BCAS1: variants seen among roughly 807,000 people sequenced by gnomAD.
BCAS1 encodes the protein breast carcinoma-amplified sequence 1.
In BCAS1, 46 loss-of-function variants were observed where a neutral mutation model predicts 65.4. The ratio of observed to expected loss-of-function variants is 0.70; its 90% confidence interval spans 0.55 to 0.90. The LOEUF is 0.90. Among genes scored for constraint, BCAS1 ranks in the 40% least tolerant of loss-of-function variants. BCAS1 has a pLI of 0.00. For synonymous variants in BCAS1, 298 were observed against 293.5 expected, an observed-to-expected ratio of 1.02 and a Z score of -0.16; for missense variants, 793 against 771.2, an observed-to-expected ratio of 1.03 and a Z score of -0.33.
At chr20:54,044,453 T>C (rs1158756683) in intron 3 of BCAS1, among the ~76,000 whole-genome samples, 2 of 152,246 alleles carry the variant, frequency 1.3e-5, no homozygotes, top group Admixed American at 1.3e-4. Flanking sequence ...AACAGTAAGT[T>C]GTGTCCAGAG....
intron 3 of BCAS1, among the ~76,000 whole-genome samples, chr20:54,036,222 GAACTTAA>G (rs1231393108): frequency 6.6e-6 from 1 of 150,804 alleles, no homozygotes; most frequent in African/African-American, 2.4e-5. Flanking sequence ...GTGTACCCCT[GAACTTAA>G]AATAAAAGTT....
At chr20:54,031,274 T>G (rs1393452094) in intron 3 of BCAS1, among the ~76,000 whole-genome samples, 1 of 151,498 alleles carries the variant, frequency 6.6e-6, no homozygotes. Context: ...AATAAATTCC[T>G]TACATCCAGG....
chr20:53,969,104 G>T (rs1422699009), intron 9 of BCAS1, among the ~76,000 whole-genome samples: 1 of 152,098 alleles, frequency 6.6e-6, no homozygotes, highest in Non-Finnish European at 1.5e-5. Flanking sequence ...AGAACAACTT[G>T]CTGGGCTCTA....
At chr20:53,953,321 C>G in intron 12 of BCAS1, 111 bp downstream of exon 12, 1 of 1,350,902 alleles carries the variant, frequency 7.4e-7, no homozygotes, top group Non-Finnish European at 1.0e-6. Flanking sequence ...GAGTGATAGA[C>G]CCGGGATCCC....
chr20:54,009,213 A>G (rs1007437442), intron 4 of BCAS1, among the ~76,000 whole-genome samples: 1 of 152,232 alleles, frequency 6.6e-6, no homozygotes, highest in Non-Finnish European at 1.5e-5. Flanking sequence ...GCAAAGAAAT[A>G]GAAGATATAA....
chr20:54,021,233 A>T (rs1744968785), intron 4 of BCAS1, among the ~76,000 whole-genome samples: 1 of 151,996 alleles, frequency 6.6e-6, no homozygotes, highest in African/African-American at 2.4e-5. Flanking sequence ...TTTCTTATTT[A>T]TAGGACATTA....
At position 54,028,376 on chromosome 20, in the gene BCAS1, A is replaced by C. The variant is rs1568894258; in HGVS notation, c.723+16T>G. The C allele has an allele frequency of 2.5e-6, 4 of 1,613,362 alleles. No individual in the cohort carries two copies. The Admixed American group carries it at 6.7e-5, about 27-fold the overall frequency. On this transcript the variant is annotated intron_variant, in intron 4 of 12. Coordinates refer to ENST00000688948, the MANE Select transcript of BCAS1 (RefSeq NM_001366298.2). ...CATGCATTCAGAACCAAGTGGATACACCTTGGCACACTTACCTTCCCTGCA... is the reference window on the plus strand; with the variant it reads ...CATGCATTCAGAACCAAGTGGATACCCCTTGGCACACTTACCTTCCCTGCA...
intron 7 of BCAS1, among the ~76,000 whole-genome samples, chr20:53,989,138 G>A (rs569720648): frequency 1.6e-4 from 25 of 152,242 alleles, no homozygotes; most frequent in South Asian, 1.2e-3. Context: ...TTAAAATTTC[G>A]TGGAGGGAAG....
At chr20:53,993,466 C>T (rs2299724) in intron 6 of BCAS1, among the ~76,000 whole-genome samples, 6,840 of 152,232 alleles carry the variant, frequency 0.045, 550 homozygotes, top group East Asian at 0.36. Context: ...TCACAAAACC[C>T]GCTTTTGAGA....
intron 3 of BCAS1, among the ~76,000 whole-genome samples, chr20:54,029,933 A>G (rs2091763954): frequency 6.6e-6 from 1 of 152,226 alleles, no homozygotes; most frequent in Admixed American, 6.5e-5. Context: ...TTTAAAATAC[A>G]GTACTCAGAA....
At chr20:54,045,927 A>G (rs925520457) in intron 3 of BCAS1, among the ~76,000 whole-genome samples, 3 of 152,240 alleles carry the variant, frequency 2.0e-5, no homozygotes, top group Non-Finnish European at 4.4e-5. Flanking sequence ...AAAGAGAAAA[A>G]TATGAAAGAA....
intron 1 of BCAS1, among the ~76,000 whole-genome samples, chr20:54,062,448 A>G (rs68072066): frequency 0.14 from 21,145 of 152,282 alleles, 1,938 homozygotes; most frequent in East Asian, 0.32. Flanking sequence ...GCGCAAACAC[A>G]TACGTTCATA....
intron 12 of BCAS1, 149 bp downstream of exon 12, chr20:53,953,283 G>C: frequency 1.0e-6 from 1 of 995,620 alleles, no homozygotes; most frequent in Non-Finnish European, 1.5e-6. Flanking sequence ...TGAACCTGCT[G>C]GAAGTCACAT....
At position 54,053,387 on chromosome 20, in the gene BCAS1, T is replaced by C. The variant is rs545693256; in HGVS notation, c.142+4698A>G. 4.9e-4 allele frequency among the ~76,000 whole-genome samples: 75 copies of C among 152,338 alleles called. 1 individual carries two copies. Among genetic ancestry groups the C allele is most frequent in the Admixed American group, 9.8e-4 (15 of 15,300 alleles). On this transcript the variant is annotated intron_variant, in intron 3 of 12. Transcript: ENST00000688948. ...CACGATACATTTCTTTCTAGGAGGATACAGAATGTAATTTCATGTTTTAGT... is the reference window on the plus strand; with the variant it reads ...CACGATACATTTCTTTCTAGGAGGACACAGAATGTAATTTCATGTTTTAGT...
intron 4 of BCAS1, among the ~76,000 whole-genome samples, chr20:54,016,562 CTCAT>C (rs1273877348): frequency 6.6e-6 from 1 of 152,188 alleles, no homozygotes; most frequent in Non-Finnish European, 1.5e-5. Context: ...TGCAGATTTG[CTCAT>C]TCAGAAAGCA....
At chr20:53,982,710 G>GAAAAC (rs1265628653) in intron 8 of BCAS1, among the ~76,000 whole-genome samples, 3 of 152,062 alleles carry the variant, frequency 2.0e-5, no homozygotes, top group Non-Finnish European at 4.4e-5. Context: ...TTAACGAAAA[G>GAAAAC]AAAACAAAGG....
At chr20:53,960,100 G>C (rs1424932655) in intron 10 of BCAS1, among the ~76,000 whole-genome samples, 1 of 152,108 alleles carries the variant, frequency 6.6e-6, no homozygotes, top group Non-Finnish European at 1.5e-5. Flanking sequence ...GTCAACCTTT[G>C]GGAATGTTGA....
chr20:54,021,913 A>T (rs970488925), intron 4 of BCAS1, among the ~76,000 whole-genome samples: 3 of 151,852 alleles, frequency 2.0e-5, no homozygotes, highest in Non-Finnish European at 4.4e-5. Context: ...TTAAAATAAA[A>T]ATTACAACAA....
Position 54,013,443 on chromosome 20 carries a change from T to C in BCAS1, c.723+14949A>G, listed in dbSNP as rs146503752. On this transcript the variant is annotated intron_variant, in intron 4 of 12. Transcript: ENST00000688948. The stretch of plus-strand genomic sequence containing the variant: ...ATCCAAATGTTTACAAAAACATTCA[T>C]TGGCCAAGCTTGTGTGAAGAAGGCA... Among the ~76,000 whole-genome samples the C allele has an allele frequency of 1.9e-3, 290 of 152,338 alleles. 3 individuals carry two copies. The highest frequency in any genetic ancestry group is 0.016 in the Admixed American group (246 of 15,308).
Sources: allele counts gnomAD v4.1 joint callset (sites outside exome capture counted in the v4.1 genomes callset), GRCh38; gene constraint gnomAD v4.1.1; transcripts MANE v1.5; gene names NCBI Gene and HGNC (gene_info 2026-07-23, HGNC 2026-07-21).